The following ABCB1 variants were observed in gnomAD, a reference collection of about 807,000 sequenced individuals.
ABCB1 encodes the protein ATP binding cassette subfamily B member 1, also known as ATP-dependent translocase ABCB1.
Under a neutral mutation model 142.0 loss-of-function variants are expected in ABCB1, and 69 were observed. The observed-to-expected ratio is 0.49, with a 90% CI of 0.40 to 0.59. The LOEUF (loss-of-function observed/expected upper bound fraction) is 0.59, where lower values mean the gene tolerates loss of function less well. Among genes scored for constraint, ABCB1 ranks in the 20% least tolerant of loss-of-function variants. ABCB1 has a pLI of 0.00. For synonymous variants in ABCB1, 532 were observed against 539.2 expected (o/e 0.99, Z 0.18); for missense variants, 1,326 against 1,554.7 (o/e 0.85, Z 2.47).
intron 1 of ABCB1, chr7:87,710,797 TGTC>T (rs1830003880): frequency 2.0e-6 from 1 of 512,294 alleles, no homozygotes; most frequent in Non-Finnish European, 3.5e-6. Flanking sequence ...ATAAATCCAC[TGTC>T]TTCTTAGGAA....
At chr7:87,620,353 T>G (rs546088721) in intron 1 of ABCB1, among the ~76,000 whole-genome samples, 18 of 152,280 alleles carry the variant, frequency 1.2e-4, no homozygotes, top group Admixed American at 9.2e-4. Flanking sequence ...AGAGACAGTG[T>G]TTCACCATGG....
At chr7:87,673,492 T>C (rs1356222654) in intron 1 of ABCB1, among the ~76,000 whole-genome samples, 1 of 152,222 alleles carries the variant, frequency 6.6e-6, no homozygotes, top group Non-Finnish European at 1.5e-5. Flanking sequence ...CTTTCCTCAG[T>C]TTGGTCGAAT....
rs749598456 is a variant in ABCB1 at position 87,531,268 on chromosome 7, A to T, written c.2685+26T>A. The stretch of plus-strand genomic sequence containing the variant: ...TTAGAATACTTTACTCTACTTAATT[A>T]ATCAATCATATTTAGTTTGACTCAC... On this transcript the variant is annotated intron_variant, in intron 21 of 27. Coordinates refer to ENST00000622132, the MANE Select transcript of ABCB1 (RefSeq NM_001348946.2). The T allele has an allele frequency of 1.1e-5, 18 of 1,573,466 alleles. No individual in the cohort carries two copies. The East Asian group carries it at 2.9e-4, about 25-fold the overall frequency.
chr7:87,516,551 T>G lies in ABCB1; in HGVS notation c.3042A>C (p.Lys1014Asn). 1 of 1,614,096 alleles carries G rather than the reference T, an allele frequency of 6.2e-7. No individual in the cohort carries two copies. The highest frequency in any genetic ancestry group is 1.1e-5 in the South Asian group (1 of 91,082). The change falls in exon 24 of 28, where the codon AAA becomes AAC. Residue 1014 changes from lysine (K) to asparagine (N), a missense_variant. Coordinates refer to ENST00000622132, the MANE Select transcript of ABCB1 (RefSeq NM_001348946.2). ...SAAHIIMIIE[K>N]TPLIDSYSTE... ...TGCTGTAGCTGTCAATCAAAGGGGT[T>G]TTTTCAATGATCATGATGATGTGGG...
rs565390523 is a variant in ABCB1, at chr7:87,505,869, T to C, written c.3636+28A>G. The C allele has an allele frequency of 1.5e-5, 24 of 1,613,850 alleles. No homozygotes were observed. In the African/African-American group the frequency reaches 2.9e-4, roughly 20 times the overall value. Reference sequence around the variant, plus strand: ...CATTTTTAAGGATGACTGATTCAAGTATGGATGAACCCAATTTAAATTCTT... The same window carrying C: ...CATTTTTAAGGATGACTGATTCAAGCATGGATGAACCCAATTTAAATTCTT... On this transcript the variant is annotated intron_variant, in intron 27 of 27. Coordinates refer to ENST00000622132, the MANE Select transcript of ABCB1 (RefSeq NM_001348946.2).
intron 21 of ABCB1, among the ~76,000 whole-genome samples, chr7:87,528,094 A>C (rs950887289): frequency 1.3e-4 from 20 of 152,266 alleles, no homozygotes; most frequent in African/African-American, 4.6e-4. Flanking sequence ...CACTATCATG[A>C]GAATAGCATG....
intron 8 of ABCB1, among the ~76,000 whole-genome samples, chr7:87,558,374 C>T (rs1296343810): frequency 6.6e-6 from 1 of 152,098 alleles, no homozygotes; most frequent in East Asian, 1.9e-4. Flanking sequence ...GCCATTTATT[C>T]TGAATAATGA....
intron 8 of ABCB1, 125 bp downstream of exon 8, chr7:87,561,138 T>A: frequency 9.1e-7 from 1 of 1,095,774 alleles, no homozygotes; most frequent in South Asian, 1.6e-5. Flanking sequence ...CTGTAATACA[T>A]CCATTAAGCT....
At chr7:87,560,738 C>T (rs1487738978) in intron 8 of ABCB1, among the ~76,000 whole-genome samples, 52 of 151,988 alleles carry the variant, frequency 3.4e-4, no homozygotes, top group Non-Finnish European at 1.0e-4. Flanking sequence ...AATAAATTAC[C>T]ATCTATGCTT....
intron 1 of ABCB1, chr7:87,651,069 C>T: frequency 5.0e-6 from 3 of 599,200 alleles, no homozygotes; most frequent in Non-Finnish European, 8.8e-6. Flanking sequence ...ATCTTTTGGC[C>T]TGTGTGACTA....
rs145710071 is a variant in ABCB1 at position 87,668,962 on chromosome 7, G to T, written c.-331+44199C>A. On this transcript the variant is annotated intron_variant, in intron 1 of 28. Transcript: ENST00000265724. ...AGAATGTATATTCTGGTGTTTTTTG[G>T]TGGAGAGTTCTATAGAGGTGTATCC... 1.8e-4 allele frequency among the ~76,000 whole-genome samples: 28 copies of T among 152,172 alleles called. No individual in the cohort carries two copies. In the East Asian group the frequency reaches 5.2e-3, roughly 28 times the overall value.
intron 2 of ABCB1, among the ~76,000 whole-genome samples, chr7:87,596,351 C>T (rs1189983896): frequency 6.6e-6 from 1 of 151,990 alleles, no homozygotes; most frequent in Non-Finnish European, 1.5e-5. Flanking sequence ...TAAATTACTC[C>T]TTATAAGCAA....
Position 87,709,209 on chromosome 7 carries a change from A to G in ABCB1, c.-331+3952T>C, listed in dbSNP as rs113094805. The G allele has an allele frequency of 2.2e-5, 22 of 982,590 alleles. No homozygotes were observed. The African/African-American group carries it at 3.3e-4, about 15-fold the overall frequency. 60.9% of individuals were successfully genotyped at this position (982,590 alleles called of 1,614,324 possible). On this transcript the variant is annotated intron_variant, in intron 1 of 28. Transcript: ENST00000265724. The stretch of plus-strand genomic sequence containing the variant: ...TGAAATTAATAAATCAGGAAGCAAG[A>G]TTTTCCCTACATTTCTTATCTAGTA...
chr7:87,697,647 A>T (rs1437416581), intron 1 of ABCB1, among the ~76,000 whole-genome samples: 1 of 152,218 alleles, frequency 6.6e-6, no homozygotes, highest in African/African-American at 2.4e-5. Context: ...TTGTATGATT[A>T]CAGTAATAAC....
At chr7:87,677,223 A>T (rs1462147545) in intron 1 of ABCB1, among the ~76,000 whole-genome samples, 1 of 151,844 alleles carries the variant, frequency 6.6e-6, no homozygotes, top group East Asian at 1.9e-4. Flanking sequence ...ATATTAAGAC[A>T]ACCTAAGTAG....
chr7:87,516,617 A>T lies in ABCB1; in HGVS notation c.2976T>A (p.Ser992Arg). 6.2e-7 allele frequency: 1 copy of T among 1,614,176 alleles called. No individual in the cohort carries two copies. Among genetic ancestry groups the T allele is most frequent in the East Asian group, 2.2e-5 (1 of 44,882 alleles). ...VFGAMAVGQV[S>R]SFAPDYAKAK... ...CTTTGGCATAGTCAGGAGCAAATGAACTGACTTGCCCCACGGCCATGGCAC... is the reference window on the plus strand; with the variant it reads ...CTTTGGCATAGTCAGGAGCAAATGATCTGACTTGCCCCACGGCCATGGCAC... The change falls in exon 24 of 28, where the codon AGT (serine) becomes AGA (arginine). Residue 992 changes from serine to arginine, a missense_variant. Coordinates refer to ENST00000622132, the MANE Select transcript of ABCB1 (RefSeq NM_001348946.2).
intron 1 of ABCB1, among the ~76,000 whole-genome samples, chr7:87,706,699 G>T (rs1829622025): frequency 6.6e-6 from 1 of 152,188 alleles, no homozygotes; most frequent in Non-Finnish European, 1.5e-5. Flanking sequence ...GCAGAAAGTT[G>T]TGGAGGTGGA....
intron 7 of ABCB1, among the ~76,000 whole-genome samples, chr7:87,563,868 A>G (rs1817677386): frequency 6.6e-6 from 1 of 152,224 alleles, no homozygotes; most frequent in African/African-American, 2.4e-5. Context: ...TTGCAGGGAC[A>G]TGGATGGAGC....
intron 1 of ABCB1, among the ~76,000 whole-genome samples, chr7:87,636,471 C>G (rs959590233): frequency 5.3e-5 from 8 of 152,164 alleles, no homozygotes; most frequent in East Asian, 1.9e-4. Context: ...GTATGGGAAT[C>G]TTTTGTTGGA....
Sources: gnomAD v4.1 joint callset for allele counts (sites outside exome capture counted in the v4.1 genomes callset) on GRCh38, gnomAD v4.1.1 for gene constraint, MANE v1.5 for transcripts, NCBI Gene and HGNC (gene_info 2026-07-23, HGNC 2026-07-21) for gene names.